RALYL: variants seen among roughly 807,000 people sequenced by gnomAD.
The protein encoded by RALYL is RNA-binding Raly-like protein.
RALYL carries 29 observed loss-of-function variants against 35.1 expected under a neutral mutation model. The observed-to-expected ratio is 0.83, with a 90% CI of 0.61 to 1.13. RALYL has a LOEUF of 1.13. Ranked by LOEUF, RALYL falls within the 50% of genes most tolerant of loss-of-function variation. RALYL has a pLI of 0.00. For synonymous variants in RALYL, 120 were observed against 127.6 expected, an observed-to-expected ratio of 0.94 and a Z score of 0.40; for missense variants, 359 against 360.4, an observed-to-expected ratio of 1.00 and a Z score of 0.03.
chr8:84,385,930 C>T (rs1429320043), intron 1 of RALYL, among the ~76,000 whole-genome samples: 1 of 151,828 alleles, frequency 6.6e-6, no homozygotes, highest in Non-Finnish European at 1.5e-5. Context: ...GCCACTCCCT[C>T]CTTTCTGTAT....
rs529983312 is a variant in RALYL at position 84,776,649 on chromosome 8, C to T, written c.332+1995C>T. ...TATTTTCAATTACTGCTAAAACAAG[C>T]TGCCAATGGCTTTTTTTTATCATCA... On this transcript the variant is annotated intron_variant, in intron 3 of 8. Coordinates refer to ENST00000521268, the MANE Select transcript of RALYL (RefSeq NM_173848.7). Among the ~76,000 whole-genome samples, 43 of 144,468 alleles carry T rather than the reference C, an allele frequency of 3.0e-4. 1 individual carries two copies. Among genetic ancestry groups the T allele is most frequent in the African/African-American group, 6.3e-4 (25 of 39,676 alleles). The allele number at this position is 144,468 out of a possible 152,430, so 94.8% of individuals were successfully genotyped here.
intron 2 of RALYL, among the ~76,000 whole-genome samples, chr8:84,552,068 T>C (rs1452699010): frequency 6.7e-6 from 1 of 149,022 alleles, no homozygotes; most frequent in Non-Finnish European, 1.5e-5. Context: ...AAAAGTAGAG[T>C]GATGAATAAA....
At chr8:84,245,860 A>G (rs1828972081) in intron 1 of RALYL, among the ~76,000 whole-genome samples, 1 of 152,118 alleles carries the variant, frequency 6.6e-6, no homozygotes, top group Admixed American at 6.6e-5. Flanking sequence ...TACCCTCACT[A>G]CAAAGAAGAA....
intron 1 of RALYL, among the ~76,000 whole-genome samples, chr8:84,372,886 G>GTTTTTTTTTTTTTGTTT (rs1856071710): frequency 7.7e-5 from 3 of 39,064 alleles, no homozygotes; most frequent in Non-Finnish European, 9.1e-5. Flanking sequence ...GCCAGCATCT[G>GTTTTTTTTTTTTTGTTT]TTTTTTTTTT....
chr8:84,679,928 G>T (rs185516268), intron 2 of RALYL: 3 of 312,314 alleles, frequency 9.6e-6, no homozygotes, highest in Non-Finnish European at 1.9e-5. Context: ...ATATACATGT[G>T]CCATGTTGGT....
chr8:84,576,418 T>C (rs1281700148), intron 2 of RALYL, among the ~76,000 whole-genome samples: 1 of 152,232 alleles, frequency 6.6e-6, no homozygotes, highest in Non-Finnish European at 1.5e-5. Context: ...AAAAAACAAT[T>C]GTGCCAACTT....
intron 1 of RALYL, among the ~76,000 whole-genome samples, chr8:84,347,791 A>G (rs765807477): frequency 2.0e-5 from 3 of 152,156 alleles, no homozygotes; most frequent in Admixed American, 1.3e-4. Context: ...GATTAGCATC[A>G]GCAGCTTTGC....
At chr8:84,714,344 G>A (rs992933733) in intron 2 of RALYL, among the ~76,000 whole-genome samples, 4 of 151,768 alleles carry the variant, frequency 2.6e-5, no homozygotes, top group African/African-American at 7.3e-5. Context: ...GTGCAACATG[G>A]TGACTACAGT....
At chr8:84,895,890 C>T (rs1844665566) in intron 8 of RALYL, among the ~76,000 whole-genome samples, 1 of 152,178 alleles carries the variant, frequency 6.6e-6, no homozygotes, top group Non-Finnish European at 1.5e-5. Context: ...CATTTCCAGA[C>T]ATGGGATAAA....
chr8:84,654,215 T>G (rs1484515276), intron 2 of RALYL, among the ~76,000 whole-genome samples: 1 of 137,254 alleles, frequency 7.3e-6, no homozygotes, highest in Non-Finnish European at 1.6e-5. Context: ...TGTACATGTA[T>G]AAAATTAAAA....
intron 1 of RALYL, among the ~76,000 whole-genome samples, chr8:84,270,111 T>C (rs1834016728): frequency 6.6e-6 from 1 of 152,150 alleles, no homozygotes; most frequent in African/African-American, 2.4e-5. Flanking sequence ...GATTGAGTGC[T>C]CACCAGCAAC....
rs142451014 is a variant in RALYL at position 84,553,663 on chromosome 8, A to G, written c.256+24086A>G. On this transcript the variant is annotated intron_variant, in intron 2 of 8. Transcript: ENST00000521268. ...TGGAAGTATTTCTAAAAGAATATCT[A>G]TTAAATTATTTTGTAACCTCTAAAG... 3.0e-3 allele frequency among the ~76,000 whole-genome samples: 464 copies of G among 152,262 alleles called. 3 individuals are homozygous for G. Among genetic ancestry groups the G allele is most frequent in the African/African-American group, 0.011 (449 of 41,548 alleles).
At chr8:84,673,913 A>T (rs1356024040) in intron 2 of RALYL, among the ~76,000 whole-genome samples, 4 of 152,214 alleles carry the variant, frequency 2.6e-5, no homozygotes, top group African/African-American at 4.8e-5. Context: ...AATTCTGTGA[A>T]GAATGGCAAT....
At chr8:84,432,275 G>A (rs1441695802) in intron 1 of RALYL, among the ~76,000 whole-genome samples, 1 of 152,066 alleles carries the variant, frequency 6.6e-6, no homozygotes, top group Non-Finnish European at 1.5e-5. Flanking sequence ...AATAATCCAT[G>A]CAAAGAAAAA....
chr8:84,699,888 A>G (rs1839893860), intron 2 of RALYL, among the ~76,000 whole-genome samples: 1 of 152,192 alleles, frequency 6.6e-6, no homozygotes, highest in Non-Finnish European at 1.5e-5. Context: ...TATTAAAAAT[A>G]TATTGAAGGG....
chr8:84,641,968 A>G (rs1826445232), intron 2 of RALYL, among the ~76,000 whole-genome samples: 1 of 151,938 alleles, frequency 6.6e-6, no homozygotes. Context: ...AATTTTATTA[A>G]TAATTATAGT....
intron 2 of RALYL, among the ~76,000 whole-genome samples, chr8:84,755,797 C>T (rs1340337610): frequency 1.3e-5 from 2 of 151,556 alleles, no homozygotes; most frequent in Non-Finnish European, 2.9e-5. Context: ...AAATTGTAAT[C>T]CACTTAATCA....
intron 2 of RALYL, among the ~76,000 whole-genome samples, chr8:84,765,024 T>G (rs1456902322): frequency 1.3e-5 from 2 of 152,226 alleles, no homozygotes; most frequent in Non-Finnish European, 2.9e-5. Flanking sequence ...TTTTGTTTTG[T>G]TTCCTCAGAG....
At chr8:84,870,322 G>A (rs1409755999) in intron 6 of RALYL, among the ~76,000 whole-genome samples, 3 of 150,666 alleles carry the variant, frequency 2.0e-5, no homozygotes, top group Non-Finnish European at 2.9e-5. Flanking sequence ...GCAGTGGTGC[G>A]ATCTTGGCTC....
Sources: allele counts gnomAD v4.1 joint callset (sites outside exome capture counted in the v4.1 genomes callset), GRCh38; gene constraint gnomAD v4.1.1; transcripts MANE v1.5; gene names NCBI Gene and HGNC (gene_info 2026-07-23, HGNC 2026-07-21).